The following KLHL1 variants were observed in gnomAD, a reference collection of about 807,000 sequenced individuals.
KLHL1 encodes the protein kelch like family member 1.
In KLHL1, 47 loss-of-function variants were observed where a neutral mutation model predicts 77.7. That is an observed-to-expected ratio of 0.60 (90% CI 0.48 to 0.77). The LOEUF (loss-of-function observed/expected upper bound fraction) is 0.77, where lower values mean the gene tolerates loss of function less well. Among genes scored for constraint, KLHL1 ranks in the 30% least tolerant of loss-of-function variants. KLHL1 has a pLI of 0.00. For synonymous variants in KLHL1, 360 were observed against 325.2 expected, an observed-to-expected ratio of 1.11 and a Z score of -1.15; for missense variants, 925 against 910.8, an observed-to-expected ratio of 1.02 and a Z score of -0.20.
At chr13:69,918,710 T>C (rs1008583428) in intron 4 of KLHL1, among the ~76,000 whole-genome samples, 3 of 152,166 alleles carry the variant, frequency 2.0e-5, no homozygotes, top group Non-Finnish European at 2.9e-5. Flanking sequence ...AATTTTCAAC[T>C]GTTGCTTTTC....
chr13:70,093,374 A>G (rs9542175), intron 1 of KLHL1, among the ~76,000 whole-genome samples: 37,707 of 152,014 alleles, frequency 0.25, 5,460 homozygotes, highest in South Asian at 0.41. Context: ...TCTCTGAAGT[A>G]CTTTTAGGTA....
intron 7 of KLHL1, among the ~76,000 whole-genome samples, chr13:69,754,347 C>A (rs1224817040): frequency 6.6e-6 from 1 of 152,016 alleles, no homozygotes; most frequent in East Asian, 1.9e-4. Flanking sequence ...TGAAATGCAG[C>A]TATACTTCTT....
At chr13:69,890,473 C>A (rs1456735078) in intron 4 of KLHL1, among the ~76,000 whole-genome samples, 4 of 152,012 alleles carry the variant, frequency 2.6e-5, no homozygotes, top group African/African-American at 9.7e-5. Flanking sequence ...AAACCCACGA[C>A]CCTGTGAGGA....
intron 7 of KLHL1, among the ~76,000 whole-genome samples, chr13:69,793,112 C>T (rs67403546): frequency 0.41 from 61,718 of 151,692 alleles, 12,995 homozygotes; most frequent in African/African-American, 0.52. Context: ...TTGCATAGCA[C>T]ATAAAAAATC....
intron 2 of KLHL1, among the ~76,000 whole-genome samples, chr13:69,965,738 C>T (rs1884193140): frequency 6.6e-6 from 1 of 152,122 alleles, no homozygotes; most frequent in South Asian, 2.1e-4. Context: ...AAAAGTGCTA[C>T]TCTAGTGAAC....
intron 6 of KLHL1, among the ~76,000 whole-genome samples, chr13:69,832,624 C>A (rs1033245468): frequency 7.4e-6 from 1 of 135,720 alleles, no homozygotes; most frequent in Non-Finnish European, 1.6e-5. Context: ...CAAAAAAGAG[C>A]CTGCCTAGCC....
At chr13:69,941,008 AAGTG>A (rs1249874356) in intron 3 of KLHL1, among the ~76,000 whole-genome samples, 6 of 151,938 alleles carry the variant, frequency 3.9e-5, no homozygotes, top group Non-Finnish European at 8.8e-5. Flanking sequence ...ATCTGTACCT[AAGTG>A]AGTTTTACAA....
At chr13:70,022,835 T>A (rs1274615137) in intron 1 of KLHL1, among the ~76,000 whole-genome samples, 1 of 151,952 alleles carries the variant, frequency 6.6e-6, no homozygotes, top group Admixed American at 6.6e-5. Flanking sequence ...ATGCCTTCTT[T>A]GATGCATAGT....
intron 7 of KLHL1, among the ~76,000 whole-genome samples, chr13:69,777,171 C>A (rs187155843): frequency 4.6e-5 from 7 of 152,138 alleles, no homozygotes; most frequent in African/African-American, 1.4e-4. Context: ...GTAAGACGTG[C>A]CTTTGCTCCT....
At chr13:69,778,361 C>G (rs1196293964) in intron 7 of KLHL1, among the ~76,000 whole-genome samples, 1 of 152,098 alleles carries the variant, frequency 6.6e-6, no homozygotes, top group African/African-American at 2.4e-5. Flanking sequence ...TATTCCAAAC[C>G]AGTTTCTAGT....
At chr13:69,963,099 T>C (rs905365096) in intron 2 of KLHL1, among the ~76,000 whole-genome samples, 3 of 152,166 alleles carry the variant, frequency 2.0e-5, no homozygotes, top group African/African-American at 7.2e-5. Context: ...TCTCTTTCTG[T>C]TGTCTAGGAT....
chr13:69,994,534 G>GA (rs1183783806), intron 1 of KLHL1, among the ~76,000 whole-genome samples: 5 of 152,008 alleles, frequency 3.3e-5, no homozygotes, highest in Non-Finnish European at 5.9e-5. Flanking sequence ...TGCCCAAAGG[G>GA]AAAATCACAA....
chr13:69,831,483 G>T (rs9529646), intron 6 of KLHL1, among the ~76,000 whole-genome samples: 2 of 149,294 alleles, frequency 1.3e-5, no homozygotes, highest in South Asian at 2.1e-4. Context: ...CAGAAGTCCA[G>T]GACCCAGTGG....
chr13:69,702,115 T>A (rs1875422241), intron 10 of KLHL1, among the ~76,000 whole-genome samples: 1 of 151,740 alleles, frequency 6.6e-6, no homozygotes, highest in African/African-American at 2.4e-5. Context: ...GCTTGGAGTA[T>A]ATTTTAGATG....
intron 1 of KLHL1, among the ~76,000 whole-genome samples, chr13:69,989,643 T>C (rs929232059): frequency 6.6e-6 from 1 of 151,824 alleles, no homozygotes; most frequent in Non-Finnish European, 1.5e-5. Context: ...CTTTGAGGAG[T>C]GTTTTGTAAT....
intron 1 of KLHL1, among the ~76,000 whole-genome samples, chr13:70,104,680 G>T (rs1203166921): frequency 6.6e-6 from 1 of 152,036 alleles, no homozygotes; most frequent in Non-Finnish European, 1.5e-5. Flanking sequence ...TGACATCATT[G>T]TTTGGTGATA....
At chr13:70,047,413 G>C (rs1886529258) in intron 1 of KLHL1, among the ~76,000 whole-genome samples, 1 of 151,906 alleles carries the variant, frequency 6.6e-6, no homozygotes, top group African/African-American at 2.4e-5. Flanking sequence ...GTGTGTGTGT[G>C]TGTGTGTATA....
chr13:69,910,485 C>A (rs556288591), intron 4 of KLHL1, among the ~76,000 whole-genome samples: 1 of 152,136 alleles, frequency 6.6e-6, no homozygotes, highest in African/African-American at 2.4e-5. Flanking sequence ...CCACGGCCAT[C>A]AAAATTATTT....
chr13:69,898,838 C>A (rs1881745909), intron 4 of KLHL1, among the ~76,000 whole-genome samples: 1 of 152,108 alleles, frequency 6.6e-6, no homozygotes, highest in African/African-American at 2.4e-5. Context: ...CACAAGGATT[C>A]AATGCCACAT....
Sources: allele counts gnomAD v4.1 joint callset (sites outside exome capture counted in the v4.1 genomes callset), GRCh38; gene constraint gnomAD v4.1.1; transcripts MANE v1.5; gene names NCBI Gene and HGNC (gene_info 2026-07-23, HGNC 2026-07-21).